The following STK33 variants were observed in gnomAD, a reference collection of about 807,000 sequenced individuals.
STK33 encodes serine/threonine-protein kinase 33.
Under a neutral mutation model 58.0 loss-of-function variants are expected in STK33, and 52 were observed. The ratio of observed to expected loss-of-function variants is 0.90; its 90% CI spans 0.72 to 1.13. The LOEUF (loss-of-function observed/expected upper bound fraction) is 1.13, where lower values mean the gene tolerates loss of function less well. STK33 is among the 50% of genes most tolerant of loss of function. The probability of loss-of-function intolerance (pLI) is 0.00; values close to 1 mark genes in which losing one functional copy is unlikely to be tolerated. For missense variants in STK33, 630 were observed against 604.2 expected, an observed-to-expected ratio of 1.04 and a Z score of -0.45; for synonymous variants, 215 against 200.1, an observed-to-expected ratio of 1.07 and a Z score of -0.63.
intron 15 of STK33, among the ~76,000 whole-genome samples, chr11:8,404,648 A>G (rs1938751471): frequency 1.3e-5 from 2 of 152,170 alleles, no homozygotes; most frequent in Non-Finnish European, 2.9e-5. Flanking sequence ...TGTAATAGTA[A>G]CTCATTTCTT....
Position 8,553,675 on chromosome 11 carries a change from A to AGG in STK33, c.-466+40407_-466+40408insCC, listed in dbSNP as rs1956527869. On this transcript the variant is annotated intron_variant, in intron 1 of 15. Transcript: ENST00000687296. ...TAATAGTCAACTGATGTTTTTTTTT[A>AGG]CAAAGGTGCCAAGAACACACAATGG... Among the ~76,000 whole-genome samples the AGG allele has an allele frequency of 2.0e-5, 3 of 152,050 alleles. No individual in the cohort carries two copies. In the South Asian group the frequency reaches 6.2e-4, roughly 32 times the overall value.
At chr11:8,527,972 T>A (rs549813655) in intron 1 of STK33, among the ~76,000 whole-genome samples, 2 of 152,310 alleles carry the variant, frequency 1.3e-5, no homozygotes, top group South Asian at 4.1e-4. Flanking sequence ...AACCTTCTAG[T>A]TGTAATGTGT....
intron 1 of STK33, among the ~76,000 whole-genome samples, chr11:8,585,531 G>T (rs2031410806): frequency 1.3e-5 from 2 of 151,458 alleles, no homozygotes; most frequent in African/African-American, 4.9e-5. Context: ...AGCCAAAAAT[G>T]ATTTTTTTAA....
At chr11:8,368,474 GC>G in the STK33 span, among the ~76,000 whole-genome samples, 1 of 152,222 alleles carries the variant, frequency 6.6e-6, no homozygotes, top group African/African-American at 2.4e-5. Context: ...TGGGCAGCCT[GC>G]CCAGCCCAAC....
intron 1 of STK33, among the ~76,000 whole-genome samples, chr11:8,514,398 GA>G (rs1303890605): frequency 2.0e-5 from 3 of 152,020 alleles, no homozygotes; most frequent in African/African-American, 4.8e-5. Context: ...CTCTATGGGG[GA>G]AAAAAATCTG....
At chr11:8,571,573 C>T (rs959712538) in intron 1 of STK33, among the ~76,000 whole-genome samples, 5 of 152,144 alleles carry the variant, frequency 3.3e-5, no homozygotes, top group Non-Finnish European at 7.4e-5. Context: ...GTGGCTCACG[C>T]CTGTAATCCC....
At chr11:8,475,555 A>AT (rs1171018823) in intron 4 of STK33, 1 of 152,226 alleles carries the variant, frequency 6.6e-6, no homozygotes, top group African/African-American at 2.4e-5. Context: ...AAAGGAGTGA[A>AT]TAATTCGATT....
the STK33 span, among the ~76,000 whole-genome samples, chr11:8,338,013 T>C: frequency 1.3e-5 from 2 of 152,168 alleles, no homozygotes; most frequent in African/African-American, 4.8e-5. Flanking sequence ...ATTGACATAC[T>C]GTTTCTTTTC....
chr11:8,544,286 C>T (rs1387799390), intron 1 of STK33, among the ~76,000 whole-genome samples: 2 of 144,938 alleles, frequency 1.4e-5, no homozygotes, highest in South Asian at 2.2e-4. Context: ...AAAACTATCC[C>T]AAGTGGAAAT....
At chr11:8,435,715 T>C (rs1170389294) in intron 13 of STK33, 136 bp from the exon 14 acceptor site, 4 of 475,724 alleles carry the variant, frequency 8.4e-6, no homozygotes, top group East Asian at 3.2e-5. Flanking sequence ...TCAGTATAAA[T>C]GCCTAATAAA....
chr11:8,349,881 G>A, the STK33 span, among the ~76,000 whole-genome samples: 1 of 152,298 alleles, frequency 6.6e-6, no homozygotes, highest in East Asian at 1.9e-4. Context: ...GATTTCTCCT[G>A]GGAAACCCTC....
At chr11:8,424,383 T>G (rs1256656420) in intron 14 of STK33, among the ~76,000 whole-genome samples, 1 of 149,970 alleles carries the variant, frequency 6.7e-6, no homozygotes, top group Non-Finnish European at 1.5e-5. Context: ...TAATCCAGTC[T>G]ATCATTGTTG....
intron 14 of STK33, among the ~76,000 whole-genome samples, chr11:8,416,983 A>C (rs548787607): frequency 9.9e-5 from 15 of 152,284 alleles, no homozygotes; most frequent in African/African-American, 3.6e-4. Context: ...TGGACTAACC[A>C]ATAATAAGTG....
chr11:8,537,443 T>C (rs1039067942), intron 1 of STK33, among the ~76,000 whole-genome samples: 2 of 152,122 alleles, frequency 1.3e-5, no homozygotes, highest in African/African-American at 4.8e-5. Context: ...CACTGAAGCA[T>C]TTTTTACCAT....
intron 14 of STK33, among the ~76,000 whole-genome samples, chr11:8,421,927 T>C (rs1301278187): frequency 2.0e-5 from 3 of 152,152 alleles, no homozygotes; most frequent in South Asian, 4.1e-4. Flanking sequence ...TAAATCCAGC[T>C]ACCTTTCTCA....
the STK33 span, among the ~76,000 whole-genome samples, chr11:8,351,817 C>A: frequency 1.3e-5 from 2 of 152,238 alleles, no homozygotes; most frequent in African/African-American, 2.4e-5. Flanking sequence ...GACCTGGATA[C>A]CACCACGAGC....
chr11:8,498,407 G>A (rs1380108506), intron 1 of STK33, among the ~76,000 whole-genome samples: 1 of 152,040 alleles, frequency 6.6e-6, no homozygotes, highest in African/African-American at 2.4e-5. Flanking sequence ...TCTTCAAGGG[G>A]AACTACAAAC....
rs1045988715 is a variant in STK33, at chr11:8,514,183, T to A, written c.-465-33569A>T. ...TATATGGCTGAATAGTACTCCATTG[T>A]ATATATGTGTCACATTTTCTTTATC... On this transcript the variant is annotated intron_variant, in intron 1 of 15. Transcript: ENST00000687296. 2.0e-5 allele frequency among the ~76,000 whole-genome samples: 3 copies of A among 152,354 alleles called. No homozygotes were observed. The East Asian group carries it at 5.8e-4, about 29-fold the overall frequency.
intron 15 of STK33, among the ~76,000 whole-genome samples, chr11:8,393,103 A>C (rs560915980): frequency 6.6e-6 from 1 of 152,282 alleles, no homozygotes; most frequent in African/African-American, 2.4e-5. Flanking sequence ...TATTCTTTCT[A>C]ATCTGTGTAT....
Sources: allele counts gnomAD v4.1 joint callset (sites outside exome capture counted in the v4.1 genomes callset), GRCh38; gene constraint gnomAD v4.1.1; transcripts MANE v1.5; gene names NCBI Gene and HGNC (gene_info 2026-07-23, HGNC 2026-07-21).